OXR1: variants seen among roughly 807,000 people sequenced by gnomAD.
OXR1 encodes oxidation resistance protein 1.
OXR1 carries 41 observed loss-of-function variants against 104.6 expected under a neutral mutation model. The observed-to-expected ratio is 0.39, with a 90% CI of 0.31 to 0.51. The LOEUF (loss-of-function observed/expected upper bound fraction) is 0.51, where lower values mean the gene tolerates loss of function less well. Ranked by LOEUF, OXR1 falls within the 20% of genes least tolerant of loss-of-function variation. OXR1 has a pLI of 0.77. For synonymous variants in OXR1, 348 were observed against 348.4 expected (o/e 1.00, Z 0.01); for missense variants, 955 against 1,031.9 (o/e 0.93, Z 1.02).
chr8:106,742,189 T>C, intron 14 of OXR1, 33 bp from the exon 15 acceptor site: 1 of 1,145,578 alleles, frequency 8.7e-7, no homozygotes, highest in South Asian at 1.3e-5. Flanking sequence ...AATTTGTTAG[T>C]CGTGTCATTG....
At chr8:106,736,956 C>G (rs994712562) in intron 11 of OXR1, among the ~76,000 whole-genome samples, 5 of 152,120 alleles carry the variant, frequency 3.3e-5, no homozygotes, top group African/African-American at 1.2e-4. Context: ...TTTCTACTTT[C>G]TAGAGCTTAT....
chr8:106,657,854 G>A lies in OXR1; in HGVS notation c.221-21356G>A, dbSNP rs1200516499. The A allele has an allele frequency of 1.0e-5, 13 of 1,239,592 alleles. No individual in the cohort carries two copies. In the South Asian group the frequency reaches 4.7e-4, roughly 45 times the overall value. The allele number at this position is 1,239,592 out of a possible 1,614,324, so 76.8% of individuals were successfully genotyped here. The stretch of plus-strand genomic sequence containing the variant: ...AGAGGGACGCCCCCTCCTCCTCCCC[G>A]CCTCTTGTGAGGCGCGCGGAGCCGC... On this transcript the variant is annotated intron_variant, in intron 3 of 16. Coordinates refer to ENST00000517566, the MANE Select transcript of OXR1 (RefSeq NM_001198533.2).
At chr8:106,707,599 T>TTCCACG (rs1265455502) in intron 9 of OXR1, 1 of 194,060 alleles carries the variant, frequency 5.2e-6, no homozygotes, top group Non-Finnish European at 1.0e-5. Context: ...TACAGAATTC[T>TTCCACG]TCCACGTATC....
intron 2 of OXR1, among the ~76,000 whole-genome samples, chr8:106,429,661 A>G (rs906450891): frequency 3.3e-5 from 3 of 90,242 alleles, no homozygotes; most frequent in African/African-American, 2.0e-4. Context: ...CTCTGTCTCA[A>G]AAAAAAAAAA....
intron 1 of OXR1, among the ~76,000 whole-genome samples, chr8:106,355,964 C>T (rs1815950413): frequency 6.6e-6 from 1 of 152,000 alleles, no homozygotes; most frequent in East Asian, 1.9e-4. Flanking sequence ...AACTGGATTC[C>T]ATATTATTGC....
At chr8:106,431,834 T>G (rs74519182) in intron 2 of OXR1, among the ~76,000 whole-genome samples, 2 of 152,192 alleles carry the variant, frequency 1.3e-5, no homozygotes, top group Non-Finnish European at 2.9e-5. Flanking sequence ...ACCAGAATAT[T>G]ACAAAGGTAA....
At chr8:106,318,055 C>A (rs899934562) in intron 1 of OXR1, among the ~76,000 whole-genome samples, 3 of 151,920 alleles carry the variant, frequency 2.0e-5, no homozygotes, top group African/African-American at 4.8e-5. Context: ...ACTGTAGTGT[C>A]TTTTCCATAA....
chr8:106,524,535 C>T lies in OXR1; in HGVS notation c.220+5396C>T, dbSNP rs75429008. Among the ~76,000 whole-genome samples the T allele has an allele frequency of 5.4e-3, 817 of 152,318 alleles. 20 individuals carry two copies. The highest frequency in any genetic ancestry group is 0.043 in the East Asian group (222 of 5,174). ...AGGACCACTCTTGAATGAATATCCA[C>T]ACGATCAGAATCACTCAGTGACACA... On this transcript the variant is annotated intron_variant, in intron 3 of 16. Coordinates refer to ENST00000517566, the MANE Select transcript of OXR1 (RefSeq NM_001198533.2).
intron 2 of OXR1, among the ~76,000 whole-genome samples, chr8:106,450,920 A>ATTTGCTAAT (rs1820279255): frequency 6.6e-6 from 1 of 152,034 alleles, no homozygotes; most frequent in South Asian, 2.1e-4. Flanking sequence ...ACTGAAGCAA[A>ATTTGCTAAT]TTTGCTAATT....
intron 3 of OXR1, among the ~76,000 whole-genome samples, chr8:106,553,100 T>A (rs557899364): frequency 6.6e-6 from 1 of 152,162 alleles, no homozygotes; most frequent in South Asian, 2.1e-4. Context: ...TAGGCATAAA[T>A]GCTAAATGAT....
chr8:106,507,104 A>C (rs1812217908), intron 2 of OXR1, among the ~76,000 whole-genome samples: 1 of 152,156 alleles, frequency 6.6e-6, no homozygotes, highest in Non-Finnish European at 1.5e-5. Flanking sequence ...GAAAAGAAAA[A>C]GAGGCTTATT....
chr8:106,411,092 T>C (rs1818440901), intron 2 of OXR1, among the ~76,000 whole-genome samples: 1 of 151,828 alleles, frequency 6.6e-6, no homozygotes, highest in Non-Finnish European at 1.5e-5. Flanking sequence ...TTGAGATGAG[T>C]GTAATAAAGA....
rs1820733105 is a variant in OXR1 at position 106,610,500 on chromosome 8, A to T, written c.221-68710A>T. ...CAATACAATTACAATGCATGTGAAG[A>T]CACTGGTTCTTGCTTATTTTTCTAA... On this transcript the variant is annotated intron_variant, in intron 3 of 16. Coordinates refer to ENST00000517566, the MANE Select transcript of OXR1 (RefSeq NM_001198533.2). Among the ~76,000 whole-genome samples the T allele has an allele frequency of 2.6e-5, 4 of 152,160 alleles. No homozygotes were observed. The South Asian group carries it at 8.3e-4, about 32-fold the overall frequency.
chr8:106,441,597 A>C (rs1424130865), intron 2 of OXR1, among the ~76,000 whole-genome samples: 1 of 152,070 alleles, frequency 6.6e-6, no homozygotes, highest in Non-Finnish European at 1.5e-5. Flanking sequence ...TTCCTTGAGA[A>C]CTGGTTTGTA....
intron 2 of OXR1, among the ~76,000 whole-genome samples, chr8:106,415,267 T>A (rs1818625170): frequency 6.6e-6 from 1 of 152,030 alleles, no homozygotes; most frequent in African/African-American, 2.4e-5. Context: ...TCTATTGCCA[T>A]CTGTCTTATT....
chr8:106,448,484 C>CTT (rs139969647), intron 2 of OXR1, among the ~76,000 whole-genome samples: 8,334 of 151,752 alleles, frequency 0.055, 733 homozygotes, highest in African/African-American at 0.19. Flanking sequence ...ATATTAAGCA[C>CTT]ATATATTTCA....
intron 2 of OXR1, among the ~76,000 whole-genome samples, chr8:106,456,494 C>T (rs1820602391): frequency 6.6e-6 from 1 of 152,072 alleles, no homozygotes. Flanking sequence ...GCACCATTGC[C>T]TTGTTTTATT....
At chr8:106,419,737 T>C (rs1294148207) in intron 2 of OXR1, among the ~76,000 whole-genome samples, 1 of 152,164 alleles carries the variant, frequency 6.6e-6, no homozygotes, top group Non-Finnish European at 1.5e-5. Flanking sequence ...TCTTAGTCAC[T>C]GGATGTTTTT....
intron 2 of OXR1, among the ~76,000 whole-genome samples, chr8:106,362,615 A>G (rs1169119574): frequency 6.6e-6 from 1 of 152,212 alleles, no homozygotes; most frequent in Non-Finnish European, 1.5e-5. Context: ...GAAAAAAGGA[A>G]TAGTGGAACT....
Sources: allele counts gnomAD v4.1 joint callset (sites outside exome capture counted in the v4.1 genomes callset), GRCh38; gene constraint gnomAD v4.1.1; transcripts MANE v1.5; gene names NCBI Gene and HGNC (gene_info 2026-07-23, HGNC 2026-07-21).